Variants in MGAT4B observed in about 807,000 individuals in gnomAD.
MGAT4B encodes alpha-1,3-mannosyl-glycoprotein 4-beta-N-acetylglucosaminyltransferase B, also known as N-acetylglucosaminyltransferase IVb.
Under a neutral mutation model 73.9 loss-of-function variants are expected in MGAT4B, and 38 were observed. That is an observed-to-expected ratio of 0.51 (90% CI 0.40 to 0.67). The LOEUF (loss-of-function observed/expected upper bound fraction) is 0.67, where lower values mean the gene tolerates loss of function less well. Among genes scored for constraint, MGAT4B ranks in the 30% least tolerant of loss-of-function variants. The probability of loss-of-function intolerance (pLI) is 0.00; values close to 1 mark genes in which losing one functional copy is unlikely to be tolerated. For synonymous variants in MGAT4B, 373 were observed against 313.5 expected (o/e 1.19, Z -2.01); for missense variants, 686 against 735.2 (o/e 0.93, Z 0.77).
At position 179,802,348 on chromosome 5, in the gene MGAT4B, G is replaced by A. The variant is rs77613244; in HGVS notation, c.98-379C>T. ...CCAAAGCCCACTCTTGCTTTTTGCA[G>A]CACACGCTCCCTCCAGCGGGTGGGC... On this transcript the variant is annotated intron_variant, in intron 1 of 14. Coordinates refer to ENST00000292591, the MANE Select transcript of MGAT4B (RefSeq NM_014275.5). The A allele has an allele frequency of 3.6e-3, 4,760 of 1,324,502 alleles. 126 individuals carry two copies. The African/African-American group carries it at 0.064, about 18-fold the overall frequency. 82.0% of individuals were successfully genotyped at this position (1,324,502 alleles called of 1,614,324 possible). A position where few individuals can be genotyped will look rare whatever the true frequency, so the allele number is the denominator to read the frequency against.
intron 11 of MGAT4B, 48 bp from the exon 12 acceptor site, chr5:179,798,639 AC>A (rs1756762674): frequency 1.9e-6 from 3 of 1,598,012 alleles, no homozygotes; most frequent in Non-Finnish European, 2.6e-6. Context: ...GCGTTCCAGC[AC>A]AGCACCCAGG....
At chr5:179,802,251 C>A in intron 1 of MGAT4B, 3 of 1,423,910 alleles carry the variant, frequency 2.1e-6, no homozygotes, top group Middle Eastern at 2.5e-4. Context: ...ATACGATTTC[C>A]AGACCTAGGT....
chr5:179,805,062 A>C (rs2113442271), intron 1 of MGAT4B: 1 of 152,356 alleles, frequency 6.6e-6, no homozygotes, highest in African/African-American at 2.4e-5. Flanking sequence ...CCCCCCAGAC[A>C]CAGTGGGTGC....
At chr5:179,803,221 AG>A (rs1757019709) in intron 1 of MGAT4B, 8 of 985,382 alleles carry the variant, frequency 8.1e-6, no homozygotes, top group Non-Finnish European at 9.6e-6. Context: ...CCAAGAAGCC[AG>A]CCCCCACCCT....
rs915196198 is a variant in MGAT4B at position 179,798,963 on chromosome 5, G to A, written c.1308C>T (p.Ile436=). The A allele has an allele frequency of 3.1e-6, 5 of 1,613,686 alleles. No individual in the cohort carries two copies. The highest frequency in any genetic ancestry group is 3.4e-6 in the Non-Finnish European group (4 of 1,180,028). The change falls in exon 11 of 15, where the codon ATC becomes ATT. Residue 436 remains isoleucine, a synonymous_variant. Transcript: ENST00000292591. The stretch of plus-strand genomic sequence containing the variant: ...TTAGAGGTTGGAAGAAGCGGAAGCG[G>A]ATGAAGTCCCCCGCGGCAGGGGTGA... ...WAFTPAAGDF[I]RFRFFQPLRL...
At chr5:179,799,144 G>C (rs1165290498) in intron 10 of MGAT4B, 23 bp from the exon 11 acceptor site, 1 of 1,613,984 alleles carries the variant, frequency 6.2e-7, no homozygotes. Context: ...AGGGACAGCA[G>C]TGATGGCGTG....
In MGAT4B at chr5:179,801,546, G is replaced by A; in HGVS notation, c.424+8C>T. 3.1e-6 allele frequency: 5 copies of A among 1,607,908 alleles called. No homozygotes were observed. Among genetic ancestry groups the A allele is most frequent in the Non-Finnish European group, 4.2e-6 (5 of 1,177,244 alleles). On this transcript the variant is annotated splice_region_variant and intron_variant, in intron 3 of 14. Coordinates refer to ENST00000292591, the MANE Select transcript of MGAT4B (RefSeq NM_014275.5). The surrounding 1 kb of genome is among the most constrained non-coding windows in gnomAD (Gnocchi z 4.8). The stretch of plus-strand genomic sequence containing the variant: ...CCACCCCGTGCTCCTCCCTGTCTGC[G>A]CCCATACCTCCGGTGCGGCCCTGGC...
intron 1 of MGAT4B, among the ~76,000 whole-genome samples, chr5:179,805,651 G>C (rs1445392352): frequency 1.3e-5 from 2 of 152,372 alleles, no homozygotes; most frequent in East Asian, 3.9e-4. Flanking sequence ...CCGGGACAGG[G>C]AAACAGGGAA....
Position 179,801,833 on chromosome 5 carries a change from C to T in MGAT4B, c.234G>A (p.Arg78=). The part of the protein sequence containing the change: ...LDEIKRAVSE[R]QALRDGDGNR... Reference sequence around the variant, plus strand: ...TGCCGTCTCCGTCTCGCAGCGCCTGCCTTTCTGACACGGCCCTCTTGATCT... The same window carrying T: ...TGCCGTCTCCGTCTCGCAGCGCCTGTCTTTCTGACACGGCCCTCTTGATCT... Residue 78 remains arginine, a synonymous_variant, in exon 2 of 15, where the codon AGG becomes AGA. Transcript: ENST00000292591. The surrounding 1 kb of genome is among the most constrained non-coding windows in gnomAD (Gnocchi z 4.8). 6.2e-7 allele frequency: 1 copy of T among 1,606,310 alleles called. No homozygotes were observed. The highest frequency in any genetic ancestry group is 1.7e-5 in the Admixed American group (1 of 59,842).
Position 179,797,964 on chromosome 5 carries a change from C to T in MGAT4B, c.*81G>A. The T allele has an allele frequency of 1.3e-6, 2 of 1,531,050 alleles. No homozygotes were observed. The highest frequency in any genetic ancestry group is 8.9e-7 in the Non-Finnish European group (1 of 1,127,260). 94.8% of individuals were successfully genotyped at this position (1,531,050 alleles called of 1,614,324 possible). A position where few individuals can be genotyped will look rare whatever the true frequency, so the allele number is the denominator to read the frequency against. ...ACCCTTTGGGCGGGGCCGTATCTGG[C>T]CCTCCGGGGACGGCAGTGACGACAC... On this transcript the variant is annotated 3_prime_UTR_variant, in exon 15 of 15. Transcript: ENST00000292591.
Position 179,797,751 on chromosome 5 carries a change from C to G in MGAT4B, c.*294G>C. 2.6e-6 allele frequency: 1 copy of G among 389,818 alleles called. No individual in the cohort carries two copies. The highest frequency in any genetic ancestry group is 4.6e-6 in the Non-Finnish European group (1 of 217,820). The allele number at this position is 389,818 out of a possible 1,614,324, so 24.1% of individuals were successfully genotyped here. On this transcript the variant is annotated 3_prime_UTR_variant, in exon 15 of 15. Coordinates refer to ENST00000292591, the MANE Select transcript of MGAT4B (RefSeq NM_014275.5). ...CAGTGTTCGCGCCAGAGACGGCGGG[C>G]GCCCAAGTAAAAGCTCTTCTAAAAC...
At chr5:179,799,818 C>T in intron 8 of MGAT4B, 136 bp downstream of exon 8, 3 of 1,231,834 alleles carry the variant, frequency 2.4e-6, no homozygotes, top group East Asian at 2.3e-5. Flanking sequence ...GAGAACAGGC[C>T]AGGTGGGGCT....
intron 14 of MGAT4B, 44 bp downstream of exon 14, chr5:179,798,121 C>T: frequency 6.3e-7 from 1 of 1,597,884 alleles, no homozygotes; most frequent in Non-Finnish European, 8.5e-7. Context: ...GCCAGGGTCT[C>T]CCTGGCTGCT....
Position 179,798,512 on chromosome 5 carries a change from C to T in MGAT4B, c.1422+1G>A, listed in dbSNP as rs917239218. 2 of 1,613,512 alleles carry T rather than the reference C, an allele frequency of 1.2e-6. No individual in the cohort carries two copies. Among genetic ancestry groups the T allele is most frequent in the Admixed American group, 1.7e-5 (1 of 60,016 alleles). The stretch of plus-strand genomic sequence containing the variant: ...GTGCACACCACACCCACCGAACTTA[C>T]GTCGAAGGGCAGCACCTCCACAGAC... On this transcript the variant is annotated splice_donor_variant, in intron 12 of 14. Coordinates refer to ENST00000292591, the MANE Select transcript of MGAT4B (RefSeq NM_014275.5). LOFTEE classifies it high-confidence loss of function.
chr5:179,802,448 A>G, intron 1 of MGAT4B: 1 of 1,068,230 alleles, frequency 9.4e-7, no homozygotes, highest in Non-Finnish European at 1.1e-6. Context: ...CTGGATTCTT[A>G]GCCTCACGAT....
chr5:179,801,114 C>A lies in MGAT4B; in HGVS notation c.559-161G>T. 8.7e-7 allele frequency: 1 copy of A among 1,147,706 alleles called. No homozygotes were observed. The highest frequency in any genetic ancestry group is 1.2e-6 in the Non-Finnish European group (1 of 817,334). 71.1% of individuals were successfully genotyped at this position (1,147,706 alleles called of 1,614,324 possible). A position where few individuals can be genotyped will look rare whatever the true frequency, so the allele number is the denominator to read the frequency against. ...GGGGCCCCCAGAGACGGCCCTTTCC[C>A]TTTGGGACTCGCATGGCCAAGGACT... On this transcript the variant is annotated intron_variant, in intron 4 of 14. Coordinates refer to ENST00000292591, the MANE Select transcript of MGAT4B (RefSeq NM_014275.5). This position sits in a 1 kb window ranked among gnomAD's most constrained non-coding sequence, Gnocchi z 4.8.
intron 1 of MGAT4B, chr5:179,803,081 C>T (rs1757013806): frequency 1.0e-6 from 1 of 985,410 alleles, no homozygotes; most frequent in African/African-American, 1.7e-5. Flanking sequence ...CCTCAGGGCA[C>T]ACCCCTTTCC....
chr5:179,805,920 G>T (rs1757131650), intron 1 of MGAT4B, among the ~76,000 whole-genome samples: 1 of 152,170 alleles, frequency 6.6e-6, no homozygotes, highest in African/African-American at 2.4e-5. Context: ...GGGTGCGGAG[G>T]ACGGGCTGGG....
chr5:179,797,816 C>T lies in MGAT4B; in HGVS notation c.*229G>A. ...AGGCCGGGTGCGAACGGTTCCGGGC[C>T]TCAGGCACAGTGTGGGGGCCGCCTG... On this transcript the variant is annotated 3_prime_UTR_variant, in exon 15 of 15. Coordinates refer to ENST00000292591, the MANE Select transcript of MGAT4B (RefSeq NM_014275.5). 1.8e-6 allele frequency: 1 copy of T among 555,792 alleles called. No individual in the cohort carries two copies. Among genetic ancestry groups the T allele is most frequent in the Non-Finnish European group, 3.1e-6 (1 of 324,126 alleles). 34.4% of individuals were successfully genotyped at this position (555,792 alleles called of 1,614,324 possible). A position where few individuals can be genotyped will look rare whatever the true frequency, so the allele number is the denominator to read the frequency against.
Sources: gnomAD v4.1 joint callset for allele counts (sites outside exome capture counted in the v4.1 genomes callset) on GRCh38, gnomAD v4.1.1 for gene constraint, Gnocchi (gnomAD v3.1) non-coding constraint, MANE v1.5 for transcripts, NCBI Gene and HGNC (gene_info 2026-07-23, HGNC 2026-07-21) for gene names.